Variants in VWF observed in about 807,000 individuals in gnomAD.
The protein encoded by VWF is Factor VIII related antigen.
In VWF, 176 loss-of-function variants were observed where a neutral mutation model predicts 308.6. The ratio of observed to expected loss-of-function variants is 0.57; its 90% confidence interval spans 0.50 to 0.65. The LOEUF (loss-of-function observed/expected upper bound fraction) is 0.65. VWF is among the 30% of genes least tolerant of loss of function. The pLI, the probability that VWF is intolerant of heterozygous loss-of-function variation, is 0.00. For synonymous variants in VWF, 1,385 were observed against 1,443.4 expected (o/e 0.96, Z 0.92); for missense variants, 3,146 against 3,648.2 (o/e 0.86, Z 3.55).
intron 16 of VWF, among the ~76,000 whole-genome samples, chr12:6,051,233 C>T (rs1334171063): frequency 6.6e-6 from 1 of 150,772 alleles, no homozygotes; most frequent in African/African-American, 2.4e-5. Flanking sequence ...TTATACTATT[C>T]TCTCTACTTT....
chr12:6,075,677 G>T lies in VWF; in HGVS notation c.658-126C>A. Reference sequence around the variant, plus strand: ...AGCACCTGGGACAGGCTGGCACCAAGCACATGCATGTGTTCAATGCACCAG... The same window carrying T: ...AGCACCTGGGACAGGCTGGCACCAATCACATGCATGTGTTCAATGCACCAG... On this transcript the variant is annotated intron_variant, in intron 6 of 51. Transcript: ENST00000261405. This position sits in a 1 kb window ranked among gnomAD's most constrained non-coding sequence, Gnocchi z 4.7. The T allele has an allele frequency of 3.1e-6, 3 of 981,244 alleles. No homozygotes were observed. Among genetic ancestry groups the T allele is most frequent in the Non-Finnish European group, 4.7e-6 (3 of 633,090 alleles). 60.8% of individuals were successfully genotyped at this position (981,244 alleles called of 1,614,324 possible). A position where few individuals can be genotyped will look rare whatever the true frequency, so the allele number is the denominator to read the frequency against.
At position 6,012,080 on chromosome 12, in the gene VWF, A is replaced by G; in HGVS notation, c.5664+7T>C. 4.3e-6 allele frequency: 7 copies of G among 1,614,072 alleles called. No individual in the cohort carries two copies. The highest frequency in any genetic ancestry group is 5.9e-6 in the Non-Finnish European group (7 of 1,179,924). ...CTTTCTTTCAAAGTCAACAGAAAGG[A>G]ACTTACCCTCTTCTCATTCCCATCC... is the stretch of plus-strand genomic sequence containing the variant. On this transcript the variant is annotated splice_region_variant and intron_variant, in intron 33 of 51. Coordinates refer to ENST00000261405, the MANE Select transcript of VWF (RefSeq NM_000552.5).
At position 6,073,653 on chromosome 12, in the gene VWF, A is replaced by G. The variant is rs762870016; in HGVS notation, c.963T>C (p.Cys321=). ...TCQSLHINEM[C]QERCVDGCSC... ...TGCAGCCATCCACGCATCGCTCCTG[A>G]CACATTTCATTGATGTGCAGGCTCT... Residue 321 remains cysteine (C), a synonymous_variant, in exon 8 of 52, where the codon TGT becomes TGC. Coordinates refer to ENST00000261405, the MANE Select transcript of VWF (RefSeq NM_000552.5). 10 of 1,614,006 alleles carry G rather than the reference A, an allele frequency of 6.2e-6. 1 individual carries two copies. In the South Asian group the frequency reaches 1.1e-4, roughly 18 times the overall value.
chr12:5,964,003 T>C (rs185376334), intron 47 of VWF, among the ~76,000 whole-genome samples: 20,866 of 151,620 alleles, frequency 0.14, 1,776 homozygotes, highest in Middle Eastern at 0.26. Context: ...GTCAGGAGAT[T>C]GAGACCATTC....
chr12:6,055,034 C>A (rs768843520), intron 15 of VWF, among the ~76,000 whole-genome samples: 44 of 152,250 alleles, frequency 2.9e-4, no homozygotes, highest in East Asian at 1.4e-3. Flanking sequence ...TTAACAGTCT[C>A]CAGGGAAAGC....
intron 31 of VWF, among the ~76,000 whole-genome samples, chr12:6,013,862 G>C (rs565161975): frequency 6.6e-6 from 1 of 152,192 alleles, no homozygotes; most frequent in African/African-American, 2.4e-5. Flanking sequence ...AGTGAACCAA[G>C]CACATAAAGT....
rs1944261742 is a variant in VWF, at chr12:6,031,485, T to C, written c.2779A>G (p.Ile927Val). The C allele has an allele frequency of 6.2e-7, 1 of 1,614,174 alleles. No homozygotes were observed. Among genetic ancestry groups the C allele is most frequent in the African/African-American group, 1.3e-5 (1 of 75,048 alleles). ...TCAATCTCTCCTCCCTCCACCAGGATGGTGACCCGTTTCTTGCATTTCACT... is the reference window on the plus strand; with the variant it reads ...TCAATCTCTCCTCCCTCCACCAGGACGGTGACCCGTTTCTTGCATTTCACT... The part of the protein sequence containing the change: ...PSVKCKKRVT[I>V]LVEGGEIELF... The change falls in exon 21 of 52, where the codon ATC (isoleucine) becomes GTC (valine). Residue 927 changes from isoleucine (I) to valine (V), a missense_variant. Ile to Val is a conservative substitution (Grantham distance 29). This residue lies in a region of VWF where 1,304 missense variants were observed against 1,353.0 expected (regional missense o/e 0.96). Transcript: ENST00000261405.
chr12:6,065,386 G>A (rs1297088718), intron 10 of VWF, 113 bp from the exon 11 acceptor site: 29 of 1,374,898 alleles, frequency 2.1e-5, no homozygotes, highest in Non-Finnish European at 2.7e-5. Flanking sequence ...CTGCATGGAC[G>A]TCCTTTGCCC....
At chr12:6,052,312 A>ACT (rs1329450241) in intron 16 of VWF, among the ~76,000 whole-genome samples, 1 of 152,082 alleles carries the variant, frequency 6.6e-6, no homozygotes, top group Non-Finnish European at 1.5e-5. Flanking sequence ...TGGCAATAAA[A>ACT]CTCAAGAACT....
chr12:6,045,346 C>T (rs1345157993), intron 17 of VWF, among the ~76,000 whole-genome samples: 2 of 152,200 alleles, frequency 1.3e-5, no homozygotes, highest in African/African-American at 2.4e-5. Context: ...AACTGAAACT[C>T]CAAAAGGCTA....
chr12:6,088,200 C>T (rs1448241761), intron 6 of VWF, among the ~76,000 whole-genome samples: 1 of 147,966 alleles, frequency 6.8e-6, no homozygotes, highest in Non-Finnish European at 1.5e-5. Flanking sequence ...TGCCTTTGGC[C>T]GGGCGCGGTG....
chr12:6,095,284 A>T, intron 6 of VWF, 176 bp downstream of exon 6: 1 of 972,160 alleles, frequency 1.0e-6, no homozygotes, highest in Non-Finnish European at 1.6e-6. Flanking sequence ...TCATTTTTAG[A>T]GCTTCAGGCT....
At chr12:6,004,293 C>G (rs1230545419) in intron 34 of VWF, among the ~76,000 whole-genome samples, 3 of 151,884 alleles carry the variant, frequency 2.0e-5, no homozygotes, top group Non-Finnish European at 4.4e-5. Flanking sequence ...AAATAATATA[C>G]CATATCAATA....
At chr12:6,061,343 T>C (rs965373128) in intron 13 of VWF, among the ~76,000 whole-genome samples, 1 of 152,028 alleles carries the variant, frequency 6.6e-6, no homozygotes, top group African/African-American at 2.4e-5. Flanking sequence ...CCATGAGGCC[T>C]AGGGCAAGTT....
chr12:6,081,154 A>C (rs879569291), intron 6 of VWF, among the ~76,000 whole-genome samples: 1 of 152,176 alleles, frequency 6.6e-6, no homozygotes, highest in Non-Finnish European at 1.5e-5. Context: ...CCTCTCTCCT[A>C]GCCCACCTAA....
Position 6,013,440 on chromosome 12 carries a change from C to A in VWF, c.5620+41G>T, listed in dbSNP as rs1565829172. 3.1e-6 allele frequency: 5 copies of A among 1,610,670 alleles called. No homozygotes were observed. The South Asian group carries it at 4.4e-5, about 14-fold the overall frequency. On this transcript the variant is annotated intron_variant, in intron 32 of 51. Coordinates refer to ENST00000261405, the MANE Select transcript of VWF (RefSeq NM_000552.5). ...TTTCTTTGGCGGGTTTATTTTGGAA[C>A]TTTTTTTTGAGGGAAGTAAGAAAGG...
At position 5,994,058 on chromosome 12, in the gene VWF, G is replaced by A. The variant is rs1458809901; in HGVS notation, c.6402C>T (p.Pro2134=). 1.4e-5 allele frequency: 22 copies of A among 1,614,124 alleles called. No homozygotes were observed. In the East Asian group the frequency reaches 1.8e-4, roughly 13 times the overall value. ...QPILEEQCLV[P]DSSHCQVLLL... ...GGAGGACCTGGCAGTGGGAGCTGTC[G>A]GGGACAAGACACTGCTCCTCCAGGA... The change falls in exon 37 of 52, where the codon CCC becomes CCT. Residue 2134 remains proline, a synonymous_variant. Coordinates refer to ENST00000261405, the MANE Select transcript of VWF (RefSeq NM_000552.5).
At position 6,066,246 on chromosome 12, in the gene VWF, A is replaced by G. The variant is rs537721031; in HGVS notation, c.1157-973T>C. On this transcript the variant is annotated intron_variant, in intron 10 of 51. Coordinates refer to ENST00000261405, the MANE Select transcript of VWF (RefSeq NM_000552.5). ...GGGGGAGGCCTCTGCCAATGTCTCC[A>G]GTGATTCTCCATCAACCTGCCTGGC... Among the ~76,000 whole-genome samples, 6 of 152,304 alleles carry G rather than the reference A, an allele frequency of 3.9e-5. No individual in the cohort carries two copies. In the South Asian group the frequency reaches 1.2e-3, roughly 32 times the overall value.
intron 3 of VWF, among the ~76,000 whole-genome samples, chr12:6,115,836 C>A (rs1333554402): frequency 6.6e-6 from 1 of 152,200 alleles, no homozygotes; most frequent in Non-Finnish European, 1.5e-5. Flanking sequence ...TGTCTCCAGA[C>A]ACTGCAAAAT....
Sources: gnomAD v4.1 joint callset for allele counts (sites outside exome capture counted in the v4.1 genomes callset) on GRCh38, gnomAD v4.1.1 for gene constraint, gnomAD v4.1.1 regional missense constraint, Gnocchi (gnomAD v3.1) non-coding constraint, MANE v1.5 for transcripts, NCBI Gene and HGNC (gene_info 2026-07-23, HGNC 2026-07-21) for gene names.